The following PTPRM variants were observed in gnomAD, a reference collection of about 807,000 sequenced individuals.
PTPRM encodes protein tyrosine phosphatase receptor type M.
Under a neutral mutation model 186.7 loss-of-function variants are expected in PTPRM, and 47 were observed. The ratio of observed to expected loss-of-function variants is 0.25; its 90% CI spans 0.20 to 0.32. The LOEUF (loss-of-function observed/expected upper bound fraction) is 0.32, where lower values mean the gene tolerates loss of function less well. Among genes scored for constraint, PTPRM ranks in the 10% least tolerant of loss-of-function variants. The pLI, the probability that PTPRM is intolerant of heterozygous loss-of-function variation, is 1.00. For missense variants in PTPRM, 1,494 were observed against 1,865.0 expected, an observed-to-expected ratio of 0.80 and a Z score of 3.66; for synonymous variants, 668 against 674.9, an observed-to-expected ratio of 0.99 and a Z score of 0.16.
chr18:8,066,789 A>G (rs1459913072), intron 7 of PTPRM, among the ~76,000 whole-genome samples: 1 of 152,218 alleles, frequency 6.6e-6, no homozygotes, highest in African/African-American at 2.4e-5. Context: ...ATTACCACTC[A>G]TGACAATAGG....
intron 7 of PTPRM, among the ~76,000 whole-genome samples, chr18:7,963,998 C>T (rs1489187679): frequency 6.6e-6 from 1 of 152,098 alleles, no homozygotes; most frequent in Non-Finnish European, 1.5e-5. Flanking sequence ...AAAGAGACCC[C>T]AGGCCATCTT....
At chr18:7,626,233 T>C (rs2038059057) in intron 1 of PTPRM, among the ~76,000 whole-genome samples, 1 of 152,154 alleles carries the variant, frequency 6.6e-6, no homozygotes, top group South Asian at 2.1e-4. Flanking sequence ...TACCATCCAA[T>C]CAGGTAATAT....
chr18:7,623,073 C>T (rs2143992517), intron 1 of PTPRM, among the ~76,000 whole-genome samples: 1 of 152,240 alleles, frequency 6.6e-6, no homozygotes, highest in Non-Finnish European at 1.5e-5. Flanking sequence ...TATAAATTCT[C>T]AGCATGTTAA....
intron 1 of PTPRM, among the ~76,000 whole-genome samples, chr18:7,655,314 C>T (rs899744158): frequency 3.3e-5 from 5 of 152,170 alleles, no homozygotes; most frequent in Non-Finnish European, 7.3e-5. Context: ...CCTGCCTCAG[C>T]GTCCCAAAGT....
intron 31 of PTPRM, among the ~76,000 whole-genome samples, chr18:8,390,588 C>T (rs886654276): frequency 6.6e-6 from 1 of 152,140 alleles, no homozygotes; most frequent in Non-Finnish European, 1.5e-5. Flanking sequence ...ATAGACAACT[C>T]AATTTATTAA....
chr18:7,949,111 G>C, intron 5 of PTPRM, 70 bp from the exon 6 acceptor site: 1 of 1,389,580 alleles, frequency 7.2e-7, no homozygotes, highest in Non-Finnish European at 1.0e-6. Flanking sequence ...ATATACCATT[G>C]GGTGTCTGAC....
At chr18:7,930,413 C>T (rs1214626758) in intron 5 of PTPRM, among the ~76,000 whole-genome samples, 1 of 152,090 alleles carries the variant, frequency 6.6e-6, no homozygotes, top group Non-Finnish European at 1.5e-5. Flanking sequence ...TCTTTTGAGG[C>T]CCACAATAGG....
chr18:8,093,942 A>G (rs148139220), intron 11 of PTPRM, among the ~76,000 whole-genome samples: 39 of 152,296 alleles, frequency 2.6e-4, no homozygotes, highest in Non-Finnish European at 1.2e-4. Context: ...CACTTTATTA[A>G]AAAAAGATAT....
At chr18:7,994,470 C>G (rs540644207) in intron 7 of PTPRM, among the ~76,000 whole-genome samples, 1 of 152,240 alleles carries the variant, frequency 6.6e-6, no homozygotes, top group Admixed American at 6.6e-5. Context: ...ACCCTACAGA[C>G]CACATGGACC....
intron 7 of PTPRM, among the ~76,000 whole-genome samples, chr18:8,027,091 A>G (rs1568209151): frequency 6.6e-6 from 1 of 152,162 alleles, no homozygotes; most frequent in African/African-American, 2.4e-5. Context: ...ATTCTTCTGT[A>G]TTGTGTGTAT....
chr18:7,830,725 T>A (rs1023460501), intron 2 of PTPRM, among the ~76,000 whole-genome samples: 1 of 152,154 alleles, frequency 6.6e-6, no homozygotes, highest in East Asian at 1.9e-4. Context: ...CTGCCAATCA[T>A]CCTGTCTAAA....
chr18:8,314,744 T>C, intron 20 of PTPRM, 37 bp from the exon 21 acceptor site: 1 of 1,553,424 alleles, frequency 6.4e-7, no homozygotes, highest in Non-Finnish European at 8.9e-7. Context: ...CAGATTGCTT[T>C]TGTTAATCGT....
intron 32 of PTPRM, among the ~76,000 whole-genome samples, chr18:8,398,534 G>A (rs2148622873): frequency 6.6e-6 from 1 of 152,250 alleles, no homozygotes; most frequent in African/African-American, 2.4e-5. Context: ...GGGAGGCCGA[G>A]GTGGGCAGAT....
chr18:8,044,768 A>AG (rs2086920047), intron 7 of PTPRM, among the ~76,000 whole-genome samples: 1 of 151,244 alleles, frequency 6.6e-6, no homozygotes, highest in African/African-American at 2.4e-5. Flanking sequence ...AAAAAAAAAA[A>AG]AAAAAGAAAA....
At chr18:7,983,448 T>C (rs1008053323) in intron 7 of PTPRM, among the ~76,000 whole-genome samples, 2 of 152,124 alleles carry the variant, frequency 1.3e-5, no homozygotes, top group Admixed American at 6.5e-5. Context: ...AATGCCTGTT[T>C]TACTCACCAG....
At chr18:8,349,120 G>T (rs2095520839) in intron 23 of PTPRM, among the ~76,000 whole-genome samples, 1 of 152,130 alleles carries the variant, frequency 6.6e-6, no homozygotes. Context: ...TACAAGGAAG[G>T]TATATTAAGA....
chr18:7,980,056 C>T (rs74422218), intron 7 of PTPRM, among the ~76,000 whole-genome samples: 16 of 152,214 alleles, frequency 1.1e-4, no homozygotes, highest in East Asian at 5.8e-4. Context: ...TGCCCCTGAG[C>T]GTCTTACTCC....
Position 8,304,826 on chromosome 18 carries a change from T to A in PTPRM, c.2842+8371T>A, listed in dbSNP as rs567935261. Among the ~76,000 whole-genome samples, 142 of 151,660 alleles carry A rather than the reference T, an allele frequency of 9.4e-4. 1 individual carries two copies. The East Asian group carries it at 0.021, about 23-fold the overall frequency. ...CTCTTGAAGCTGTTGACTTTATTTT[T>A]TTTTTTTTTTTGCTCTTTGTTTTTC... On this transcript the variant is annotated intron_variant, in intron 20 of 32. Transcript: ENST00000580170.
At chr18:8,269,123 G>T (rs184080571) in intron 19 of PTPRM, among the ~76,000 whole-genome samples, 5 of 152,036 alleles carry the variant, frequency 3.3e-5, no homozygotes, top group Non-Finnish European at 7.4e-5. Flanking sequence ...AAGCAAAATT[G>T]TCTCTGTTTA....
Sources: allele counts gnomAD v4.1 joint callset (sites outside exome capture counted in the v4.1 genomes callset), GRCh38; gene constraint gnomAD v4.1.1; transcripts MANE v1.5; gene names NCBI Gene and HGNC (gene_info 2026-07-23, HGNC 2026-07-21).